The following SOBP variants were observed in gnomAD, a reference collection of about 807,000 sequenced individuals.
The protein encoded by SOBP is sine oculis binding protein homolog.
A neutral mutation model predicts 53.6 loss-of-function variants in SOBP; 4 were observed. That is an observed-to-expected ratio of 0.07 (90% CI 0.04 to 0.17). The LOEUF is 0.17. Ranked by LOEUF, SOBP falls within the 10% of genes least tolerant of loss-of-function variation. The pLI is 1.00. For synonymous variants in SOBP, 584 were observed against 522.6 expected (o/e 1.12, Z -1.60); for missense variants, 1,088 against 1,204.7 (o/e 0.90, Z 1.43).
At chr6:107,628,167 C>T (rs1423576424) in intron 5 of SOBP, among the ~76,000 whole-genome samples, 8 of 152,220 alleles carry the variant, frequency 5.3e-5, no homozygotes, top group Admixed American at 6.5e-5. Context: ...ATGGTTCTAA[C>T]GCTCATTTCC....
intron 4 of SOBP, among the ~76,000 whole-genome samples, chr6:107,585,517 C>T (rs1218414743): frequency 6.6e-6 from 1 of 152,144 alleles, no homozygotes; most frequent in Non-Finnish European, 1.5e-5. Context: ...AGCCACTGGA[C>T]ATGAACAACA....
At chr6:107,568,342 G>A (rs1022577882) in intron 4 of SOBP, among the ~76,000 whole-genome samples, 1 of 152,150 alleles carries the variant, frequency 6.6e-6, no homozygotes, top group African/African-American at 2.4e-5. Context: ...GTATTTTATT[G>A]TTTCTAGAAA....
rs757200340 is a variant in SOBP at position 107,634,595 on chromosome 6, C to A, written c.1751C>A (p.Pro584His). The change falls in exon 6 of 7, where the codon CCC becomes CAC. Residue 584 changes from proline (P) to histidine (H), a missense_variant. By Grantham distance (77) the Pro-to-His change is moderately conservative. Coordinates refer to ENST00000317357, the MANE Select transcript of SOBP (RefSeq NM_018013.4). The surrounding 1 kb of genome is among the most constrained non-coding windows in gnomAD (Gnocchi z 4.5). ...AAGCCAAGCGGACACTCCCTGTCCC[C>A]CCGGGACTCCAAGCAGGGCTCGTCC... is the stretch of plus-strand genomic sequence containing the variant. ...GGKPSGHSLS[P>H]RDSKQGSSKS... 1.9e-6 allele frequency: 3 copies of A among 1,601,848 alleles called. No individual in the cohort carries two copies. Among genetic ancestry groups the A allele is most frequent in the Admixed American group, 3.3e-5 (2 of 59,938 alleles).
intron 4 of SOBP, among the ~76,000 whole-genome samples, chr6:107,563,719 T>C (rs1028936053): frequency 2.0e-5 from 3 of 151,604 alleles, no homozygotes; most frequent in African/African-American, 4.8e-5. Flanking sequence ...CGTCTTTCAG[T>C]GATTCTCCAG....
At chr6:107,644,329 C>A (rs1249568447) in intron 6 of SOBP, among the ~76,000 whole-genome samples, 2 of 152,090 alleles carry the variant, frequency 1.3e-5, no homozygotes, top group Non-Finnish European at 2.9e-5. Context: ...CAAAAAACTT[C>A]CCATTAGAGT....
chr6:107,616,698 C>T (rs1052941587), intron 5 of SOBP, among the ~76,000 whole-genome samples: 1 of 152,220 alleles, frequency 6.6e-6, no homozygotes. Flanking sequence ...CTATGGCGCT[C>T]TCTGCGAGGG....
chr6:107,634,078 A>T lies in SOBP; in HGVS notation c.1234A>T (p.Ile412Phe), dbSNP rs1770847360. ...QIMQQIRPPF[I>F]RGPPHHASNP... ...CATGCAGCAGATCCGCCCGCCCTTC[A>T]TCCGCGGGCCTCCGCACCATGCCTC... Residue 412 changes from isoleucine to phenylalanine, a missense_variant, in exon 6 of 7, where the codon ATC (isoleucine) becomes TTC (phenylalanine). Physicochemically the swap from Ile to Phe is conservative, Grantham distance 21. Coordinates refer to ENST00000317357, the MANE Select transcript of SOBP (RefSeq NM_018013.4). This position sits in a 1 kb window ranked among gnomAD's most constrained non-coding sequence, Gnocchi z 4.5. 6.2e-7 allele frequency: 1 copy of T among 1,600,160 alleles called. No individual in the cohort carries two copies. The highest frequency in any genetic ancestry group is 1.1e-5 in the South Asian group (1 of 88,538).
At chr6:107,642,624 G>A (rs1487181670) in intron 6 of SOBP, among the ~76,000 whole-genome samples, 1 of 152,164 alleles carries the variant, frequency 6.6e-6, no homozygotes, top group Non-Finnish European at 1.5e-5. Context: ...CAGGGCTGGG[G>A]CAAATCAAAG....
At chr6:107,584,891 T>C (rs1468299507) in intron 4 of SOBP, among the ~76,000 whole-genome samples, 1 of 152,160 alleles carries the variant, frequency 6.6e-6, no homozygotes, top group African/African-American at 2.4e-5. Context: ...AAAATATCCT[T>C]AGGCATCTGG....
chr6:107,546,434 C>A (rs1784302639), intron 4 of SOBP, among the ~76,000 whole-genome samples: 1 of 152,182 alleles, frequency 6.6e-6, no homozygotes, highest in African/African-American at 2.4e-5. Flanking sequence ...TTGCTGATAG[C>A]ATTAAAAATA....
At chr6:107,512,868 C>G (rs964655668) in intron 3 of SOBP, among the ~76,000 whole-genome samples, 2 of 152,166 alleles carry the variant, frequency 1.3e-5, no homozygotes, top group Admixed American at 1.3e-4. Flanking sequence ...CATTTTAGAT[C>G]TGAGTCTTTT....
chr6:107,634,636 C>T lies in SOBP; in HGVS notation c.1792C>T (p.Pro598Ser), dbSNP rs1562117048. 2 of 1,577,176 alleles carry T rather than the reference C, an allele frequency of 1.3e-6. No individual in the cohort carries two copies. The highest frequency in any genetic ancestry group is 8.6e-7 in the Non-Finnish European group (1 of 1,167,956). The change falls in exon 6 of 7, where the codon CCC becomes TCC. Residue 598 changes from proline to serine, a missense_variant. Pro to Ser is a moderately conservative substitution (Grantham distance 74). Transcript: ENST00000317357. The surrounding 1 kb of genome is among the most constrained non-coding windows in gnomAD (Gnocchi z 4.5). Reference protein sequence around the residue: ...KQGSSKSADSPPGCSGQALSL... With the variant: ...KQGSSKSADSSPGCSGQALSL... ...GGGCTCGTCCAAGTCCGCGGACTCG[C>T]CCCCCGGCTGCTCGGGCCAGGCCCT...
At chr6:107,516,336 C>T (rs375707891) in intron 3 of SOBP, among the ~76,000 whole-genome samples, 1 of 151,958 alleles carries the variant, frequency 6.6e-6, no homozygotes. Flanking sequence ...GTGATGCGCT[C>T]CTATAATCCC....
At chr6:107,566,195 G>A (rs1376160975) in intron 4 of SOBP, among the ~76,000 whole-genome samples, 4 of 152,322 alleles carry the variant, frequency 2.6e-5, no homozygotes, top group Non-Finnish European at 4.4e-5. Flanking sequence ...AAGGAAAATG[G>A]ACAACTTAGT....
chr6:107,586,448 C>T (rs892980204), intron 4 of SOBP, among the ~76,000 whole-genome samples: 1 of 151,998 alleles, frequency 6.6e-6, no homozygotes, highest in Non-Finnish European at 1.5e-5. Flanking sequence ...TCCATTTAAA[C>T]TTCAGCTTTC....
chr6:107,532,241 T>TCTCACACACACACACACA (rs373567492), intron 3 of SOBP, among the ~76,000 whole-genome samples: 1 of 139,648 alleles, frequency 7.2e-6, no homozygotes, highest in Non-Finnish European at 1.6e-5. Context: ...TCTCTCTCTC[T>TCTCACACACACACACACA]CACACACACA....
At chr6:107,589,830 C>G (rs1031047980) in intron 5 of SOBP, among the ~76,000 whole-genome samples, 1 of 152,234 alleles carries the variant, frequency 6.6e-6, no homozygotes, top group Non-Finnish European at 1.5e-5. Context: ...TAGTCATGCA[C>G]ACTTGCAGGC....
rs1033422586 is a variant in SOBP, at chr6:107,490,440, A to G, written c.-177A>G. 86 of 569,850 alleles carry G rather than the reference A, an allele frequency of 1.5e-4. No homozygotes were observed. The highest frequency in any genetic ancestry group is 2.4e-4 in the Non-Finnish European group (78 of 320,524). 35.3% of individuals were successfully genotyped at this position (569,850 alleles called of 1,614,324 possible). On this transcript the variant is annotated 5_prime_UTR_variant, in exon 1 of 7. Transcript: ENST00000317357. ...CACTGACGTCCTCCGCCGCTAGAAG[A>G]GACCCCGCTTCTCGGCGCCTGCCCT...
chr6:107,506,207 T>A (rs745565572), intron 2 of SOBP, 35 bp from the exon 3 acceptor site: 1 of 1,591,336 alleles, frequency 6.3e-7, no homozygotes, highest in African/African-American at 1.3e-5. Context: ...ATTACATTCC[T>A]TGGTCACATT....
Sources: allele counts gnomAD v4.1 joint callset (sites outside exome capture counted in the v4.1 genomes callset), GRCh38; gene constraint gnomAD v4.1.1; non-coding constraint Gnocchi (gnomAD v3.1); transcripts MANE v1.5; gene names NCBI Gene and HGNC (gene_info 2026-07-23, HGNC 2026-07-21).